Variants in MDGA2 observed in about 807,000 individuals in gnomAD.
MDGA2 encodes the protein MAM domain containing glycosylphosphatidylinositol anchor 2, also known as MAM domain-containing glycosylphosphatidylinositol anchor protein 2.
MDGA2 carries 40 observed loss-of-function variants against 117.8 expected under a neutral mutation model. The ratio of observed to expected loss-of-function variants is 0.34; its 90% confidence interval spans 0.26 to 0.44. MDGA2 has a LOEUF of 0.44. Among genes scored for constraint, MDGA2 ranks in the 20% least tolerant of loss-of-function variants. The probability of loss-of-function intolerance (pLI) is 1.00; values close to 1 mark genes in which losing one functional copy is unlikely to be tolerated. For missense variants in MDGA2, 1,123 were observed against 1,250.6 expected (o/e 0.90, Z 1.54); for synonymous variants, 452 against 439.0 (o/e 1.03, Z -0.37).
chr14:47,469,337 G>A (rs920155920), intron 1 of MDGA2, among the ~76,000 whole-genome samples: 2 of 152,062 alleles, frequency 1.3e-5, no homozygotes, highest in African/African-American at 2.4e-5. Flanking sequence ...CCTGGTGTGT[G>A]AGTTCCCCTT....
chr14:46,992,164 A>G (rs1373022169), intron 8 of MDGA2, among the ~76,000 whole-genome samples: 1 of 152,166 alleles, frequency 6.6e-6, no homozygotes, highest in Non-Finnish European at 1.5e-5. Flanking sequence ...CTGCTTAAGA[A>G]ATTCTCAATT....
intron 8 of MDGA2, among the ~76,000 whole-genome samples, chr14:47,019,713 G>A (rs1439020056): frequency 2.0e-5 from 3 of 151,920 alleles, no homozygotes; most frequent in Admixed American, 6.6e-5. Flanking sequence ...GCGTGGTGGC[G>A]GGCGCCTGTA....
At chr14:46,885,584 A>T (rs2138401836) in intron 10 of MDGA2, among the ~76,000 whole-genome samples, 1 of 152,312 alleles carries the variant, frequency 6.6e-6, no homozygotes, top group African/African-American at 2.4e-5. Flanking sequence ...GTATAGATGT[A>T]AAACAATGAG....
At chr14:47,431,288 T>C (rs989895967) in intron 1 of MDGA2, among the ~76,000 whole-genome samples, 3 of 152,072 alleles carry the variant, frequency 2.0e-5, no homozygotes, top group South Asian at 4.2e-4. Flanking sequence ...CGGTGTAAGT[T>C]TTAATCATCA....
rs1880619017 is a variant in MDGA2, at chr14:46,841,714, G to T, written c.*217C>A. 1 of 346,948 alleles carries T rather than the reference G, an allele frequency of 2.9e-6. No homozygotes were observed. The highest frequency in any genetic ancestry group is 4.6e-5 in the Admixed American group (1 of 21,700). The allele number at this position is 346,948 out of a possible 1,614,324, so 21.5% of individuals were successfully genotyped here. Reference sequence around the variant, plus strand: ...ACCTGAAGGTCTCTTCTCTACTCAGGTCAAGATTATCTTTTATGTTTAGTC... The same window carrying T: ...ACCTGAAGGTCTCTTCTCTACTCAGTTCAAGATTATCTTTTATGTTTAGTC... On this transcript the variant is annotated 3_prime_UTR_variant, in exon 17 of 17. Coordinates refer to ENST00000399232, the MANE Select transcript of MDGA2 (RefSeq NM_001113498.3).
At chr14:47,323,963 G>A (rs920432204) in intron 1 of MDGA2, among the ~76,000 whole-genome samples, 1 of 151,892 alleles carries the variant, frequency 6.6e-6, no homozygotes, top group Non-Finnish European at 1.5e-5. Context: ...ATCTCTGAGT[G>A]GGCCAGGCGT....
intron 14 of MDGA2, among the ~76,000 whole-genome samples, chr14:46,859,851 T>C (rs1881437931): frequency 6.6e-6 from 1 of 152,132 alleles, no homozygotes. Flanking sequence ...TAATGTAGTA[T>C]ATAAACTTAT....
At chr14:47,646,097 A>T (rs1324565953) in intron 1 of MDGA2, among the ~76,000 whole-genome samples, 1 of 142,632 alleles carries the variant, frequency 7.0e-6, no homozygotes, top group East Asian at 2.2e-4. Context: ...AAAAAAAAAA[A>T]AGGAAGAAAA....
At chr14:47,432,222 C>A (rs1307314285) in intron 1 of MDGA2, among the ~76,000 whole-genome samples, 1 of 151,890 alleles carries the variant, frequency 6.6e-6, no homozygotes, top group African/African-American at 2.4e-5. Context: ...TATTAAAAAT[C>A]TATGGCACAA....
chr14:46,979,439 A>C (rs991851540), intron 8 of MDGA2, among the ~76,000 whole-genome samples: 1 of 152,328 alleles, frequency 6.6e-6, no homozygotes, highest in South Asian at 2.1e-4. Context: ...TAAAATGATT[A>C]AACTTACTAA....
intron 1 of MDGA2, among the ~76,000 whole-genome samples, chr14:47,358,816 C>T (rs1217244933): frequency 6.6e-6 from 1 of 152,098 alleles, no homozygotes; most frequent in Non-Finnish European, 1.5e-5. Context: ...TTGGAGAAGA[C>T]ACAAATATGT....
intron 1 of MDGA2, among the ~76,000 whole-genome samples, chr14:47,508,396 T>TA: frequency 6.6e-6 from 1 of 151,852 alleles, no homozygotes; most frequent in African/African-American, 2.4e-5. Flanking sequence ...TATATATATA[T>TA]TTGCTACCAG....
chr14:47,158,006 T>TACACAC (rs3039402), intron 3 of MDGA2, among the ~76,000 whole-genome samples: 55 of 149,084 alleles, frequency 3.7e-4, no homozygotes, highest in South Asian at 1.9e-3. Context: ...ACAGTATCTA[T>TACACAC]ACACACACAC....
chr14:47,632,280 C>T (rs1897257395), intron 1 of MDGA2, among the ~76,000 whole-genome samples: 1 of 152,192 alleles, frequency 6.6e-6, no homozygotes, highest in African/African-American at 2.4e-5. Flanking sequence ...CAGAAACATA[C>T]CTGCATTCCT....
intron 1 of MDGA2, among the ~76,000 whole-genome samples, chr14:47,505,199 G>A (rs1254318411): frequency 1.3e-5 from 2 of 152,156 alleles, no homozygotes; most frequent in East Asian, 3.8e-4. Flanking sequence ...GTGGTTGTCA[G>A]AAAGGGGAGA....
intron 9 of MDGA2, among the ~76,000 whole-genome samples, chr14:46,931,230 A>C (rs1176666701): frequency 1.3e-5 from 2 of 151,718 alleles, no homozygotes; most frequent in East Asian, 1.9e-4. Context: ...AAAAAAAAAA[A>C]AAAAAACTCA....
chr14:47,113,471 G>A (rs569038612), intron 5 of MDGA2, among the ~76,000 whole-genome samples: 2 of 152,020 alleles, frequency 1.3e-5, no homozygotes, highest in South Asian at 4.1e-4. Flanking sequence ...AAAGGAAACT[G>A]CAGGCCAATA....
intron 1 of MDGA2, among the ~76,000 whole-genome samples, chr14:47,635,193 T>C (rs935047901): frequency 6.6e-6 from 1 of 152,102 alleles, no homozygotes; most frequent in Non-Finnish European, 1.5e-5. Flanking sequence ...CTACAAAGCA[T>C]GGCAAGAAAT....
At chr14:47,026,460 T>G (rs562352410) in intron 8 of MDGA2, among the ~76,000 whole-genome samples, 1 of 152,282 alleles carries the variant, frequency 6.6e-6, no homozygotes, top group African/African-American at 2.4e-5. Flanking sequence ...TTAAACTCTG[T>G]AAGTTAATTT....
Sources: gnomAD v4.1 joint callset for allele counts (sites outside exome capture counted in the v4.1 genomes callset) on GRCh38, gnomAD v4.1.1 for gene constraint, MANE v1.5 for transcripts, NCBI Gene and HGNC (gene_info 2026-07-23, HGNC 2026-07-21) for gene names.